The following TMEM117 variants were observed in gnomAD, a reference collection of about 807,000 sequenced individuals.
TMEM117 encodes transmembrane protein 117.
In TMEM117, 27 loss-of-function variants were observed where a neutral mutation model predicts 52.4. That is an observed-to-expected ratio of 0.51 (90% CI 0.38 to 0.71). The LOEUF (loss-of-function observed/expected upper bound fraction) is 0.71. Ranked by LOEUF, TMEM117 falls within the 30% of genes least tolerant of loss-of-function variation. TMEM117 has a pLI of 0.00. For synonymous variants in TMEM117, 215 were observed against 206.3 expected (o/e 1.04, Z -0.36); for missense variants, 556 against 630.5 (o/e 0.88, Z 1.26).
chr12:44,272,773 G>C (rs961341414), intron 5 of TMEM117, among the ~76,000 whole-genome samples: 1 of 152,114 alleles, frequency 6.6e-6, no homozygotes, highest in Non-Finnish European at 1.5e-5. Flanking sequence ...ACTGTTAGTG[G>C]GACTGTAAAC....
At chr12:44,097,272 G>A (rs1947782895) in intron 3 of TMEM117, among the ~76,000 whole-genome samples, 1 of 152,136 alleles carries the variant, frequency 6.6e-6, no homozygotes, top group African/African-American at 2.4e-5. Context: ...TGGTGGGACT[G>A]TAAACTAGTT....
At chr12:44,143,950 G>A (rs1376650831) in intron 4 of TMEM117, among the ~76,000 whole-genome samples, 2 of 152,058 alleles carry the variant, frequency 1.3e-5, no homozygotes, top group African/African-American at 4.8e-5. Context: ...TTCTCCCTGT[G>A]AAGTTACAAA....
At chr12:44,195,949 G>T (rs1166299012) in intron 4 of TMEM117, among the ~76,000 whole-genome samples, 1 of 151,428 alleles carries the variant, frequency 6.6e-6, no homozygotes, top group Non-Finnish European at 1.5e-5. Flanking sequence ...ACTGGGCATG[G>T]TGACACATAC....
At chr12:44,320,242 A>G (rs1345261072) in intron 6 of TMEM117, among the ~76,000 whole-genome samples, 1 of 152,172 alleles carries the variant, frequency 6.6e-6, no homozygotes. Context: ...TCATGCCTAT[A>G]TATTCTTCTT....
chr12:44,145,105 C>T (rs908948462), intron 4 of TMEM117, among the ~76,000 whole-genome samples: 1 of 152,054 alleles, frequency 6.6e-6, no homozygotes, highest in Non-Finnish European at 1.5e-5. Flanking sequence ...TGCAGTGAGC[C>T]GAGATCGCGC....
chr12:43,940,881 A>G (rs1003754534), intron 2 of TMEM117, among the ~76,000 whole-genome samples: 7 of 152,190 alleles, frequency 4.6e-5, no homozygotes, highest in African/African-American at 1.7e-4. Flanking sequence ...TATATCATTA[A>G]TCTTGTTAGA....
At chr12:44,230,356 C>T (rs548925883) in intron 5 of TMEM117, among the ~76,000 whole-genome samples, 1 of 152,114 alleles carries the variant, frequency 6.6e-6, no homozygotes. Context: ...TCTTCCCCTC[C>T]ACCTCTCTCT....
intron 7 of TMEM117, among the ~76,000 whole-genome samples, chr12:44,377,941 A>T (rs1951965072): frequency 1.3e-5 from 2 of 152,326 alleles, no homozygotes; most frequent in South Asian, 4.1e-4. Context: ...TTCTTTTCCT[A>T]TTCAAAATGA....
intron 3 of TMEM117, among the ~76,000 whole-genome samples, chr12:44,089,160 ACAATGTTAAATG>A (rs1223978430): frequency 1.3e-5 from 2 of 152,212 alleles, no homozygotes; most frequent in African/African-American, 4.8e-5. Flanking sequence ...GCTATAAATA[ACAATGTTAAATG>A]TTCTTTGAAA....
At position 44,388,420 on chromosome 12, in the gene TMEM117, C is replaced by T; in HGVS notation, c.1293C>T (p.Tyr431=). 4 of 1,613,398 alleles carry T rather than the reference C, an allele frequency of 2.5e-6. No homozygotes were observed. Among genetic ancestry groups the T allele is most frequent in the Non-Finnish European group, 3.4e-6 (4 of 1,179,648 alleles). Residue 431 remains tyrosine, a synonymous_variant, in exon 8 of 8, where the codon TAC becomes TAT. Coordinates refer to ENST00000266534, the MANE Select transcript of TMEM117 (RefSeq NM_032256.3). ...EPRMENQDKT[Y]TRMKRKSPSE... ...GCATGGAGAATCAAGACAAAACTTA[C>T]ACTCGCATGAAAAGAAAATCTCCAT...
chr12:43,866,671 C>G (rs1446285985), intron 2 of TMEM117, among the ~76,000 whole-genome samples: 1 of 152,208 alleles, frequency 6.6e-6, no homozygotes, highest in African/African-American at 2.4e-5. Flanking sequence ...AAGGAAAGTT[C>G]TTCAGGCTGC....
intron 2 of TMEM117, among the ~76,000 whole-genome samples, chr12:43,864,227 C>G (rs769980892): frequency 1.9e-4 from 29 of 152,224 alleles, no homozygotes; most frequent in Admixed American, 5.2e-4. Flanking sequence ...CGACCAGCAC[C>G]TCCCCCTGCT....
chr12:43,928,914 G>A (rs1944827084), intron 2 of TMEM117, among the ~76,000 whole-genome samples: 1 of 151,798 alleles, frequency 6.6e-6, no homozygotes, highest in African/African-American at 2.4e-5. Context: ...TCCCTATAAA[G>A]GACATGAACT....
intron 3 of TMEM117, among the ~76,000 whole-genome samples, chr12:44,134,384 T>A (rs1203857206): frequency 6.6e-6 from 1 of 152,110 alleles, no homozygotes; most frequent in Non-Finnish European, 1.5e-5. Context: ...GCCTGGCTAA[T>A]TTTTTGGTTT....
chr12:43,852,430 C>A (rs1452156449), intron 2 of TMEM117, among the ~76,000 whole-genome samples: 1 of 150,812 alleles, frequency 6.6e-6, no homozygotes, highest in Non-Finnish European at 1.5e-5. Flanking sequence ...GACTCCATCT[C>A]AAAAAAAAAC....
intron 4 of TMEM117, among the ~76,000 whole-genome samples, chr12:44,160,795 C>T (rs569171367): frequency 3.4e-4 from 52 of 152,054 alleles, no homozygotes; most frequent in Non-Finnish European, 6.0e-4. Flanking sequence ...TAGTGAGATC[C>T]TGTTTCTAAA....
intron 5 of TMEM117, among the ~76,000 whole-genome samples, chr12:44,256,428 A>T (rs543295948): frequency 6.6e-6 from 1 of 152,064 alleles, no homozygotes; most frequent in South Asian, 2.1e-4. Context: ...ACATATTTCA[A>T]TAAAGTTAAA....
Position 43,844,695 on chromosome 12 carries a change from G to C in TMEM117, c.44G>C (p.Arg15Pro). 1.2e-6 allele frequency: 2 copies of C among 1,614,164 alleles called. No individual in the cohort carries two copies. The highest frequency in any genetic ancestry group is 2.2e-5 in the South Asian group (2 of 91,074). Reference protein sequence around the residue: ...FRYYFQHPWSRMIVAYLVIFF... With the variant: ...FRYYFQHPWSPMIVAYLVIFF... ...TACTATTTCCAGCATCCCTGGTCTC[G>C]CATGATTGTGGCTTACTTGGTGATC... Residue 15 changes from arginine to proline, a missense_variant, in exon 2 of 8, where the codon CGC becomes CCC. This residue lies in a region of TMEM117 where 328 missense variants were observed against 371.4 expected (regional missense o/e 0.88). Transcript: ENST00000266534.
chr12:43,818,659 G>A, the TMEM117 span, among the ~76,000 whole-genome samples: 1 of 151,950 alleles, frequency 6.6e-6, no homozygotes, highest in African/African-American at 2.4e-5. Context: ...TGGCCAGGAT[G>A]GTCTCGATCT....
Sources: gnomAD v4.1 joint callset for allele counts (sites outside exome capture counted in the v4.1 genomes callset) on GRCh38, gnomAD v4.1.1 for gene constraint, gnomAD v4.1.1 regional missense constraint, MANE v1.5 for transcripts, NCBI Gene and HGNC (gene_info 2026-07-23, HGNC 2026-07-21) for gene names.